The following KDR variants were observed in gnomAD, a reference collection of about 807,000 sequenced individuals.
KDR encodes kinase insert domain receptor.
A neutral mutation model predicts 160.9 loss-of-function variants in KDR; 43 were observed. The observed-to-expected ratio is 0.27, with a 90% CI of 0.21 to 0.34. The LOEUF (loss-of-function observed/expected upper bound fraction) is 0.34. Ranked by LOEUF, KDR falls within the 10% of genes least tolerant of loss-of-function variation. KDR has a pLI of 1.00. For missense variants in KDR, 1,469 were observed against 1,666.4 expected, an observed-to-expected ratio of 0.88 and a Z score of 2.06; for synonymous variants, 617 against 600.1, an observed-to-expected ratio of 1.03 and a Z score of -0.41.
intron 21 of KDR, among the ~76,000 whole-genome samples, chr4:55,093,158 G>A (rs1384608294): frequency 1.3e-5 from 2 of 152,184 alleles, no homozygotes; most frequent in African/African-American, 4.8e-5. Context: ...AAGGCCAAAA[G>A]TCAAACTATA....
intron 6 of KDR, 81 bp from the exon 7 acceptor site, chr4:55,113,562 T>C (rs1720652127): frequency 7.7e-7 from 1 of 1,295,334 alleles, no homozygotes; most frequent in East Asian, 2.3e-5. Flanking sequence ...CAGAATTAAA[T>C]CTGGGCTTTG....
intron 15 of KDR, among the ~76,000 whole-genome samples, chr4:55,101,520 G>C (rs1370817748): frequency 6.6e-6 from 1 of 151,856 alleles, no homozygotes; most frequent in Non-Finnish European, 1.5e-5. Context: ...TAAGTTCCGG[G>C]ATACATGTGC....
At chr4:55,106,832 G>T in intron 10 of KDR, 22 bp from the exon 11 acceptor site, 2 of 1,592,866 alleles carry the variant, frequency 1.3e-6, no homozygotes, top group Non-Finnish European at 1.7e-6. Context: ...AGATAACAGC[G>T]CATATTATGA....
At chr4:55,085,319 T>C (rs1719835360) in intron 27 of KDR, among the ~76,000 whole-genome samples, 1 of 152,194 alleles carries the variant, frequency 6.6e-6, no homozygotes, top group African/African-American at 2.4e-5. Flanking sequence ...AAATGCTAAG[T>C]AAATATTTTT....
At chr4:55,119,946 C>A (rs1720826218) in intron 2 of KDR, among the ~76,000 whole-genome samples, 1 of 152,154 alleles carries the variant, frequency 6.6e-6, no homozygotes, top group Admixed American at 6.5e-5. Flanking sequence ...TTTTAACACA[C>A]TCCATGGTTT....
rs568921825 is a variant in KDR, at chr4:55,082,577, C to T, written c.3721G>A (p.Asp1241Asn). 20 of 1,613,884 alleles carry T rather than the reference C, an allele frequency of 1.2e-5. No individual in the cohort carries two copies. The East Asian group carries it at 4.0e-4, about 32-fold the overall frequency. ...SRPVSVKTFEDIPLEEPEVKV... is the reference protein window; with the variant it reads ...SRPVSVKTFENIPLEEPEVKV... ...ACTTCTGGTTCTTCTAACGGGATATCTTCAAATGTTTTTACACTCACAGGC... is the reference window on the plus strand; with the variant it reads ...ACTTCTGGTTCTTCTAACGGGATATTTTCAAATGTTTTTACACTCACAGGC... Residue 1241 changes from aspartate to asparagine, a missense_variant, in exon 28 of 30, where the codon GAT becomes AAT. Around this residue, in one of 7 missense-constraint regions of KDR, gnomAD observed 229 missense variants for 197.8 expected, o/e 1.16. Transcript: ENST00000263923.
chr4:55,090,849 C>CTTTTTTTTTTTTTT (rs61138010), intron 22 of KDR, among the ~76,000 whole-genome samples: 1 of 84,050 alleles, frequency 1.2e-5, no homozygotes, highest in East Asian at 4.0e-4. Context: ...TAGAAGAAAA[C>CTTTTTTTTTTTTTT]TTTTTTTTTT....
chr4:55,090,913 G>A (rs1719998022), intron 22 of KDR, among the ~76,000 whole-genome samples: 1 of 138,632 alleles, frequency 7.2e-6, no homozygotes, highest in Non-Finnish European at 1.5e-5. Flanking sequence ...GGAGTGCAGT[G>A]GTGCAATCTC....
chr4:55,125,483 G>A lies in KDR; in HGVS notation c.-190C>T. 1 of 644,830 alleles carries A rather than the reference G, an allele frequency of 1.6e-6. No homozygotes were observed. Among genetic ancestry groups the A allele is most frequent in the Non-Finnish European group, 2.7e-6 (1 of 371,776 alleles). 39.9% of individuals were successfully genotyped at this position (644,830 alleles called of 1,614,324 possible). A position where few individuals can be genotyped will look rare whatever the true frequency, so the allele number is the denominator to read the frequency against. ...GGCGTCTGCGGGTGCCGGTAGGAGA[G>A]GATATCCAGGCTGCCAGACGGACTT... On this transcript the variant is annotated 5_prime_UTR_variant, in exon 1 of 30. Coordinates refer to ENST00000263923, the MANE Select transcript of KDR (RefSeq NM_002253.4).
chr4:55,113,824 G>T (rs1250985863), intron 6 of KDR, among the ~76,000 whole-genome samples: 1 of 152,134 alleles, frequency 6.6e-6, no homozygotes, highest in Non-Finnish European at 1.5e-5. Context: ...CAAAAACTTT[G>T]GAGAACAGAG....
At chr4:55,115,725 A>C (rs949920787) in intron 3 of KDR, among the ~76,000 whole-genome samples, 2 of 152,202 alleles carry the variant, frequency 1.3e-5, no homozygotes, top group Non-Finnish European at 2.9e-5. Context: ...ATTTTTATAG[A>C]TTTCACATTT....
In KDR at chr4:55,091,928, A is replaced by G. The variant is rs74659036; in HGVS notation, c.3069+689T>C. ...CCCCATCTCAGCCTTTGTTTGGCCTACTTTTCTAATTTTAGCTCTTTTAAT... is the reference window on the plus strand; with the variant it reads ...CCCCATCTCAGCCTTTGTTTGGCCTGCTTTTCTAATTTTAGCTCTTTTAAT... On this transcript the variant is annotated intron_variant, in intron 22 of 29. Transcript: ENST00000263923. Among the ~76,000 whole-genome samples the G allele has an allele frequency of 7.0e-3, 1,070 of 152,266 alleles. 95 individuals carry two copies. The East Asian group carries it at 0.18, about 25-fold the overall frequency.
intron 9 of KDR, among the ~76,000 whole-genome samples, chr4:55,108,406 A>G (rs1473719641): frequency 1.3e-5 from 2 of 152,138 alleles, no homozygotes; most frequent in Non-Finnish European, 2.9e-5. Context: ...CACAGTAAAT[A>G]CATTTATTAT....
intron 22 of KDR, among the ~76,000 whole-genome samples, chr4:55,091,954 C>T (rs927227862): frequency 6.6e-6 from 1 of 152,196 alleles, no homozygotes; most frequent in African/African-American, 2.4e-5. Context: ...CTCTTTTAAT[C>T]GCTCTCATCT....
At position 55,082,613 on chromosome 4, in the gene KDR, G is replaced by A. The variant is rs763426023; in HGVS notation, c.3685C>T (p.Arg1229Ter). Residue 1229 changes from arginine to a stop codon, truncating the protein, a stop_gained, in exon 28 of 30, where the codon CGA becomes TGA. Coordinates refer to ENST00000263923, the MANE Select transcript of KDR (RefSeq NM_002253.4). LOFTEE classifies it high-confidence loss of function. ...TTTACACTCACAGGCCGGCTCTTTC[G>A]CTTACTGTTCTGCAGATACTGACTG... ...GISQYLQNSKRKSRPVSVKTF... is the reference protein window; with the variant it reads ...GISQYLQNSK 1.2e-6 allele frequency: 2 copies of A among 1,613,684 alleles called. No individual in the cohort carries two copies. The highest frequency in any genetic ancestry group is 1.7e-5 in the Admixed American group (1 of 59,990).
intron 27 of KDR, among the ~76,000 whole-genome samples, 177 bp downstream of exon 27, chr4:55,087,430 C>G (rs1217340374): frequency 2.6e-5 from 4 of 152,230 alleles, no homozygotes; most frequent in Non-Finnish European, 4.4e-5. Flanking sequence ...TGGGAGGAAG[C>G]ACACCTACCC....
chr4:55,110,272 T>C (rs1284733638), intron 9 of KDR, 131 bp downstream of exon 9: 2 of 951,090 alleles, frequency 2.1e-6, no homozygotes, highest in African/African-American at 1.6e-5. Context: ...CCACGCCAGA[T>C]GACTTTTGTA....
At chr4:55,106,980 G>A (rs1394605907) in intron 10 of KDR, among the ~76,000 whole-genome samples, 170 bp from the exon 11 acceptor site, 1 of 152,190 alleles carries the variant, frequency 6.6e-6, no homozygotes, top group African/African-American at 2.4e-5. Context: ...TGACAATGAA[G>A]GAAAAGGTTC....
Position 55,110,781 on chromosome 4 carries a change from A to T in KDR, c.977-13T>A, listed in dbSNP as rs748413354. On this transcript the variant is annotated splice_polypyrimidine_tract_variant and intron_variant, in intron 7 of 29. Transcript: ENST00000263923. ...ACAAAAGGTTTTTCTGGAAGAAAAT[A>T]AAAAAAAAAAAAGGTCAACTTACTG... The T allele has an allele frequency of 2.4e-5, 21 of 875,004 alleles. No individual in the cohort carries two copies. Among genetic ancestry groups the T allele is most frequent in the African/African-American group, 1.2e-4 (3 of 24,384 alleles). The allele number at this position is 875,004 out of a possible 1,614,324, so 54.2% of individuals were successfully genotyped here.
Sources: gnomAD v4.1 joint callset for allele counts (sites outside exome capture counted in the v4.1 genomes callset) on GRCh38, gnomAD v4.1.1 for gene constraint, gnomAD v4.1.1 regional missense constraint, MANE v1.5 for transcripts, NCBI Gene and HGNC (gene_info 2026-07-23, HGNC 2026-07-21) for gene names.